Variants in HPSE2 observed in about 807,000 individuals in gnomAD.
The protein encoded by HPSE2 is heparanase 2 (inactive).
Under a neutral mutation model 60.5 loss-of-function variants are expected in HPSE2, and 38 were observed. The ratio of observed to expected loss-of-function variants is 0.63; its 90% CI spans 0.48 to 0.82. HPSE2 has a LOEUF of 0.82. Ranked by LOEUF, HPSE2 falls within the 40% of genes least tolerant of loss-of-function variation. The pLI is 0.00. For synonymous variants in HPSE2, 295 were observed against 293.2 expected (o/e 1.01, Z -0.06); for missense variants, 713 against 740.4 (o/e 0.96, Z 0.43).
chr10:98,937,141 C>T (rs1954823967), intron 3 of HPSE2, among the ~76,000 whole-genome samples: 1 of 143,946 alleles, frequency 6.9e-6, no homozygotes, highest in African/African-American at 2.8e-5. Flanking sequence ...TGGTCTACAG[C>T]TCCCAGCGTT....
Position 98,574,734 on chromosome 10 carries a change from C to T in HPSE2, c.1320+40170G>A, listed in dbSNP as rs1423552376. Among the ~76,000 whole-genome samples the T allele has an allele frequency of 7.2e-5, 11 of 152,236 alleles. No individual in the cohort carries two copies. The East Asian group carries it at 2.1e-3, about 29-fold the overall frequency. ...CAACCACAGGACAACCTCAGTTGTC[C>T]TCATTTCCTACTAATTTAAAGGGAA... is the stretch of plus-strand genomic sequence containing the variant. On this transcript the variant is annotated intron_variant, in intron 9 of 11. Coordinates refer to ENST00000370552, the MANE Select transcript of HPSE2 (RefSeq NM_021828.5).
intron 3 of HPSE2, among the ~76,000 whole-genome samples, chr10:99,042,274 C>T (rs1957756943): frequency 6.6e-6 from 1 of 152,112 alleles, no homozygotes; most frequent in South Asian, 2.1e-4. Context: ...AACTCCTGAC[C>T]CCTGCCCCAC....
chr10:98,502,923 C>T (rs749189426), intron 9 of HPSE2, among the ~76,000 whole-genome samples: 14 of 152,072 alleles, frequency 9.2e-5, no homozygotes, highest in Non-Finnish European at 1.9e-4. Context: ...TGAAAAAATG[C>T]TCAATAGGCC....
At chr10:99,176,859 G>T (rs2133817686) in intron 2 of HPSE2, among the ~76,000 whole-genome samples, 1 of 151,578 alleles carries the variant, frequency 6.6e-6, no homozygotes, top group South Asian at 2.1e-4. Flanking sequence ...AAATGTAAAG[G>T]GCAGCCAGAG....
intron 3 of HPSE2, among the ~76,000 whole-genome samples, chr10:98,809,752 G>C (rs1951124794): frequency 6.6e-6 from 1 of 152,086 alleles, no homozygotes; most frequent in East Asian, 1.9e-4. Context: ...TGGGAGCATA[G>C]AATAATAAAA....
chr10:98,459,871 C>G (rs1255588961), intron 11 of HPSE2, 132 bp from the exon 12 acceptor site: 10 of 878,196 alleles, frequency 1.1e-5, no homozygotes, highest in Non-Finnish European at 1.8e-5. Flanking sequence ...ACTGGCTATG[C>G]CCTAGATTCT....
intron 3 of HPSE2, among the ~76,000 whole-genome samples, chr10:99,018,867 A>G (rs945083831): frequency 1.3e-5 from 2 of 152,232 alleles, no homozygotes; most frequent in Admixed American, 6.5e-5. Flanking sequence ...AGCATAAAGT[A>G]AGCTCATTTT....
At chr10:99,203,870 G>A (rs983250816) in intron 2 of HPSE2, among the ~76,000 whole-genome samples, 10 of 151,748 alleles carry the variant, frequency 6.6e-5, no homozygotes, top group African/African-American at 2.2e-4. Context: ...AGCCAGGACC[G>A]CTCCACCAGG....
At chr10:98,808,818 G>T (rs1221591734) in intron 3 of HPSE2, among the ~76,000 whole-genome samples, 1 of 152,080 alleles carries the variant, frequency 6.6e-6, no homozygotes, top group Non-Finnish European at 1.5e-5. Flanking sequence ...GTGCCATAAA[G>T]TTCCAGTCTT....
At chr10:99,153,435 T>TCCCTGAC (rs1161170022) in intron 2 of HPSE2, among the ~76,000 whole-genome samples, 5 of 152,102 alleles carry the variant, frequency 3.3e-5, no homozygotes, top group Admixed American at 6.5e-5. Context: ...CTCAAGTGGG[T>TCCCTGAC]CCCTGACCCC....
At chr10:98,826,598 CTCT>C (rs1344793570) in intron 3 of HPSE2, among the ~76,000 whole-genome samples, 1 of 152,164 alleles carries the variant, frequency 6.6e-6, no homozygotes, top group Non-Finnish European at 1.5e-5. Flanking sequence ...TGGCAGCTTC[CTCT>C]TCTTATCTCT....
At chr10:99,270,420 T>G in the HPSE2 span, among the ~76,000 whole-genome samples, 1 of 152,068 alleles carries the variant, frequency 6.6e-6, no homozygotes, top group African/African-American at 2.4e-5. Context: ...AAATATGCAA[T>G]CCTCCTAGGT....
chr10:98,685,801 T>C (rs1370660275), intron 6 of HPSE2, among the ~76,000 whole-genome samples: 1 of 152,196 alleles, frequency 6.6e-6, no homozygotes, highest in African/African-American at 2.4e-5. Context: ...GACAGGCATA[T>C]ACTTAGTTAT....
chr10:98,655,562 T>C (rs1410176518), intron 6 of HPSE2, among the ~76,000 whole-genome samples: 2 of 152,334 alleles, frequency 1.3e-5, no homozygotes, highest in Admixed American at 6.5e-5. Flanking sequence ...AGAAAAGTCA[T>C]TGATTGTCAG....
chr10:99,150,603 G>A (rs926105330), intron 2 of HPSE2, among the ~76,000 whole-genome samples: 2 of 152,202 alleles, frequency 1.3e-5, no homozygotes, highest in African/African-American at 4.8e-5. Flanking sequence ...TTACAGGCAT[G>A]AGCCACCAAA....
At chr10:98,493,005 A>G (rs1591265317) in intron 9 of HPSE2, among the ~76,000 whole-genome samples, 1 of 152,330 alleles carries the variant, frequency 6.6e-6, no homozygotes, top group East Asian at 1.9e-4. Context: ...AATCTCTGGC[A>G]ACCATCGTTC....
chr10:98,945,889 C>T (rs1401645732), intron 3 of HPSE2, among the ~76,000 whole-genome samples: 1 of 152,014 alleles, frequency 6.6e-6, no homozygotes, highest in Non-Finnish European at 1.5e-5. Context: ...TCAAAATTAG[C>T]TGGGATGAAG....
rs139665341 is a variant in HPSE2 at position 98,680,901 on chromosome 10, G to T, written c.1004+12999C>A. On this transcript the variant is annotated intron_variant, in intron 6 of 11. Transcript: ENST00000370552. ...CCCCAGAATAACTGGGACTACAGGT[G>T]CATGCCACCACGCCCAGCTATTTTT... 3.0e-3 allele frequency among the ~76,000 whole-genome samples: 458 copies of T among 152,070 alleles called. 7 individuals carry two copies. Among genetic ancestry groups the T allele is most frequent in the South Asian group, 0.029 (140 of 4,812 alleles).
intron 3 of HPSE2, among the ~76,000 whole-genome samples, chr10:98,815,069 A>G (rs1951254188): frequency 6.6e-6 from 1 of 152,174 alleles, no homozygotes; most frequent in South Asian, 2.1e-4. Context: ...GGAATTCTAG[A>G]CCAGCCCAGG....
Sources: allele counts gnomAD v4.1 joint callset (sites outside exome capture counted in the v4.1 genomes callset), GRCh38; gene constraint gnomAD v4.1.1; transcripts MANE v1.5; gene names NCBI Gene and HGNC (gene_info 2026-07-23, HGNC 2026-07-21).